Variants in NOL8 observed in about 807,000 individuals in gnomAD.
NOL8 encodes nucleolar protein 8.
In NOL8, 93 loss-of-function variants were observed where a neutral mutation model predicts 116.1. The ratio of observed to expected loss-of-function variants is 0.80; its 90% CI spans 0.68 to 0.95. The LOEUF (loss-of-function observed/expected upper bound fraction) is 0.95. Among genes scored for constraint, NOL8 ranks in the 40% least tolerant of loss-of-function variants. The pLI, the probability that NOL8 is intolerant of heterozygous loss-of-function variation, is 0.00. For missense variants in NOL8, 1,291 were observed against 1,382.8 expected, an observed-to-expected ratio of 0.93 and a Z score of 1.05; for synonymous variants, 419 against 469.0, an observed-to-expected ratio of 0.89 and a Z score of 1.38.
chr9:92,318,568 C>T, intron 6 of NOL8, 50 bp downstream of exon 6: 8 of 1,274,488 alleles, frequency 6.3e-6, no homozygotes, highest in Non-Finnish European at 8.9e-6. Flanking sequence ...AGGTATTTTA[C>T]AAGTATCCGT....
chr9:92,311,407 A>C (rs1838782380), intron 7 of NOL8, 148 bp from the exon 8 acceptor site: 6 of 595,382 alleles, frequency 1.0e-5, no homozygotes, highest in Admixed American at 3.1e-5. Context: ...TCAACAAAGT[A>C]AACAGACAAC....
At chr9:92,307,129 G>T in intron 10 of NOL8, 105 bp from the exon 11 acceptor site, 1 of 1,192,208 alleles carries the variant, frequency 8.4e-7, no homozygotes, top group South Asian at 1.7e-5. Flanking sequence ...AATCCATTAA[G>T]ACAGGAAGAA....
chr9:92,322,443 A>G (rs1165171532), intron 3 of NOL8, among the ~76,000 whole-genome samples: 1 of 152,036 alleles, frequency 6.6e-6, no homozygotes, highest in Non-Finnish European at 1.5e-5. Flanking sequence ...GCTCACTGCA[A>G]CCTCTGCCTC....
At chr9:92,317,536 C>T (rs1839520637) in intron 6 of NOL8, among the ~76,000 whole-genome samples, 1 of 152,182 alleles carries the variant, frequency 6.6e-6, no homozygotes, top group Non-Finnish European at 1.5e-5. Flanking sequence ...GGCACAGTAG[C>T]TGTGAGCTCA....
In NOL8 at chr9:92,297,616, C is replaced by T; in HGVS notation, c.*220G>A. The T allele has an allele frequency of 1.9e-6, 1 of 526,472 alleles. No homozygotes were observed. The highest frequency in any genetic ancestry group is 3.4e-6 in the Non-Finnish European group (1 of 297,928). The allele number at this position is 526,472 out of a possible 1,614,324, so 32.6% of individuals were successfully genotyped here. A position where few individuals can be genotyped will look rare whatever the true frequency, so the allele number is the denominator to read the frequency against. On this transcript the variant is annotated 3_prime_UTR_variant, in exon 17 of 17. Transcript: ENST00000442668. Reference sequence around the variant, plus strand: ...TATTTTCAAGGACTATCTTGTTCTTCCTTTATAAGAAGTTGAATTTAATTT... The same window carrying T: ...TATTTTCAAGGACTATCTTGTTCTTTCTTTATAAGAAGTTGAATTTAATTT...
intron 7 of NOL8, among the ~76,000 whole-genome samples, chr9:92,313,704 T>G (rs982856174): frequency 6.6e-6 from 1 of 152,222 alleles, no homozygotes; most frequent in African/African-American, 2.4e-5. Context: ...CCCTTTCACC[T>G]GGGCCTGACC....
chr9:92,307,055 T>A (rs1301089235), intron 10 of NOL8, 31 bp from the exon 11 acceptor site: 2 of 1,590,386 alleles, frequency 1.3e-6, no homozygotes, highest in African/African-American at 2.7e-5. Context: ...TAATACTCTC[T>A]TGGAAAACAC....
chr9:92,312,977 T>A (rs1838982068), intron 7 of NOL8, among the ~76,000 whole-genome samples: 1 of 146,916 alleles, frequency 6.8e-6, no homozygotes, highest in African/African-American at 2.5e-5. Context: ...GAACCTAAAA[T>A]AAAGGAAGAA....
At chr9:92,309,859 A>G (rs866152746) in intron 10 of NOL8, among the ~76,000 whole-genome samples, 1 of 152,164 alleles carries the variant, frequency 6.6e-6, no homozygotes, top group African/African-American at 2.4e-5. Flanking sequence ...CCATGGCTTC[A>G]CCCAGAACCT....
rs746836440 is a variant in NOL8, at chr9:92,301,562, T to C, written c.3164A>G (p.Asp1055Gly). 5.6e-6 allele frequency: 9 copies of C among 1,593,400 alleles called. No homozygotes were observed. Among genetic ancestry groups the C allele is most frequent in the Non-Finnish European group, 6.8e-6 (8 of 1,171,608 alleles). The change falls in exon 13 of 17, where the codon GAC (aspartate) becomes GGC (glycine). Residue 1055 changes from aspartate (D) to glycine (G), a missense_variant. Coordinates refer to ENST00000442668, the MANE Select transcript of NOL8 (RefSeq NM_017948.6). ...AAAAAGAAAAGTACCTTCCTTTATG[T>C]CTTTAGTGTCTGAATCAAAAAAAGA... ...TFSFFDSDTK[D>G]IKEETYRVET...
At chr9:92,303,595 T>A (rs1365882382) in intron 12 of NOL8, among the ~76,000 whole-genome samples, 1 of 152,046 alleles carries the variant, frequency 6.6e-6, no homozygotes, top group African/African-American at 2.4e-5. Flanking sequence ...TAGACCTCGG[T>A]CTAAAAATAA....
At chr9:92,310,284 T>G (rs771136265) in intron 9 of NOL8, 23 bp from the exon 10 acceptor site, 1 of 1,579,790 alleles carries the variant, frequency 6.3e-7, no homozygotes, top group African/African-American at 1.3e-5. Context: ...AAAACATACA[T>G]AATTGATAGC....
Position 92,298,261 on chromosome 9 carries a change from C to G in NOL8, c.3449G>C (p.Arg1150Pro). The change falls in exon 16 of 17, where the codon CGT becomes CCT. Residue 1150 changes from arginine to proline, a missense_variant. By Grantham distance (103) the Arg-to-Pro change is moderately radical (BLOSUM62 -2). Transcript: ENST00000442668. ...NSWEARTTNL[R>P]MDCRKKHKDA... ...TATGGAGAAACAATTACTCACCATA[C>G]GCAGGTTGGTTGTTCTGGCCTCCCA... 6.2e-7 allele frequency: 1 copy of G among 1,602,286 alleles called. No homozygotes were observed. The highest frequency in any genetic ancestry group is 1.7e-4 in the Middle Eastern group (1 of 6,042).
rs1165957415 is a variant in NOL8, at chr9:92,298,537, A to G, written c.3374-201T>C. On this transcript the variant is annotated intron_variant, in intron 15 of 16. Coordinates refer to ENST00000442668, the MANE Select transcript of NOL8 (RefSeq NM_017948.6). Reference sequence around the variant, plus strand: ...CTTTTACTGTTTATATATATCATTTACTATTATGTAACTTTGTTTATGCTA... The same window carrying G: ...CTTTTACTGTTTATATATATCATTTGCTATTATGTAACTTTGTTTATGCTA... The G allele has an allele frequency of 7.9e-6, 4 of 505,512 alleles. No homozygotes were observed. In the African/African-American group the frequency reaches 8.0e-5, roughly 10 times the overall value. The allele number at this position is 505,512 out of a possible 1,614,324, so 31.3% of individuals were successfully genotyped here. A position where few individuals can be genotyped will look rare whatever the true frequency, so the allele number is the denominator to read the frequency against.
In NOL8 at chr9:92,297,973, G is replaced by C. The variant is rs1025878558; in HGVS notation, c.3454-87C>G. On this transcript the variant is annotated intron_variant, in intron 16 of 16. Transcript: ENST00000442668. ...AGAAGTAAAACAGGTTATTCTCACTGTCAGGGCTGTGGAAACCTATTTTGA... is the reference window on the plus strand; with the variant it reads ...AGAAGTAAAACAGGTTATTCTCACTCTCAGGGCTGTGGAAACCTATTTTGA... 13 of 1,156,412 alleles carry C rather than the reference G, an allele frequency of 1.1e-5. No individual in the cohort carries two copies. In the African/African-American group the frequency reaches 1.9e-4, roughly 17 times the overall value. The allele number at this position is 1,156,412 out of a possible 1,614,324, so 71.6% of individuals were successfully genotyped here.
chr9:92,299,549 G>A (rs753350927), intron 14 of NOL8, among the ~76,000 whole-genome samples: 1 of 152,072 alleles, frequency 6.6e-6, no homozygotes, highest in East Asian at 1.9e-4. Flanking sequence ...TCAGGAGTTC[G>A]AAACCAGCCT....
intron 4 of NOL8, chr9:92,320,335 C>G: frequency 2.7e-6 from 1 of 373,938 alleles, no homozygotes; most frequent in Non-Finnish European, 5.3e-6. Flanking sequence ...GCTCAACCTG[C>G]TCAGCATGGG....
At chr9:92,308,706 C>A (rs1408871978) in intron 10 of NOL8, among the ~76,000 whole-genome samples, 3 of 152,064 alleles carry the variant, frequency 2.0e-5, no homozygotes, top group Admixed American at 6.6e-5. Context: ...AGTTATGATG[C>A]AATTGGAAGC....
chr9:92,303,311 C>T (rs1338403799), intron 12 of NOL8, among the ~76,000 whole-genome samples: 1 of 152,140 alleles, frequency 6.6e-6, no homozygotes, highest in East Asian at 1.9e-4. Flanking sequence ...GTCCAGGCTA[C>T]TGCCTACTTA....
Sources: allele counts gnomAD v4.1 joint callset (sites outside exome capture counted in the v4.1 genomes callset), GRCh38; gene constraint gnomAD v4.1.1; transcripts MANE v1.5; gene names NCBI Gene and HGNC (gene_info 2026-07-23, HGNC 2026-07-21).